SYNPR: variants seen among roughly 807,000 people sequenced by gnomAD.
The protein encoded by SYNPR is synaptoporin.
SYNPR carries 23 observed loss-of-function variants against 32.9 expected under a neutral mutation model. That is an observed-to-expected ratio of 0.70 (90% CI 0.50 to 0.99). SYNPR has a LOEUF of 0.99. Ranked by LOEUF, SYNPR falls within the 50% of genes least tolerant of loss-of-function variation. SYNPR has a pLI of 0.00. For missense variants in SYNPR, 318 were observed against 349.3 expected, an observed-to-expected ratio of 0.91 and a Z score of 0.71; for synonymous variants, 146 against 135.9, an observed-to-expected ratio of 1.07 and a Z score of -0.52.
intron 2 of SYNPR, among the ~76,000 whole-genome samples, chr3:63,300,441 C>A (rs1331580452): frequency 1.3e-5 from 2 of 152,050 alleles, no homozygotes; most frequent in Non-Finnish European, 1.5e-5. Flanking sequence ...CTGGTGCCAA[C>A]ATTCAGATAT....
At chr3:63,529,517 C>G (rs1295200072) in intron 3 of SYNPR, among the ~76,000 whole-genome samples, 3 of 152,044 alleles carry the variant, frequency 2.0e-5, no homozygotes, top group Admixed American at 2.0e-4. Context: ...GTGGCTTCCC[C>G]GTGCTCCATA....
At chr3:63,589,281 T>C (rs968052443) in intron 4 of SYNPR, among the ~76,000 whole-genome samples, 2 of 152,116 alleles carry the variant, frequency 1.3e-5, no homozygotes, top group South Asian at 2.1e-4. Context: ...TTTTTAAATT[T>C]CCAAAACACC....
At chr3:63,289,984 G>T (rs2086722548) in intron 2 of SYNPR, among the ~76,000 whole-genome samples, 1 of 151,924 alleles carries the variant, frequency 6.6e-6, no homozygotes, top group Non-Finnish European at 1.5e-5. Context: ...CAAAAAATTA[G>T]CCGGGCGTGG....
chr3:63,364,197 A>T (rs1463287637), intron 2 of SYNPR, among the ~76,000 whole-genome samples: 1 of 152,236 alleles, frequency 6.6e-6, no homozygotes, highest in East Asian at 1.9e-4. Flanking sequence ...ATAAAGATGG[A>T]AAGGCAGAAA....
intron 3 of SYNPR, among the ~76,000 whole-genome samples, chr3:63,488,063 C>A (rs1701188890): frequency 6.6e-6 from 1 of 152,134 alleles, no homozygotes; most frequent in Non-Finnish European, 1.5e-5. Context: ...TCTAGTAACG[C>A]TAGCTCTGCC....
At chr3:63,600,148 G>A (rs1700016862) in intron 4 of SYNPR, among the ~76,000 whole-genome samples, 1 of 152,194 alleles carries the variant, frequency 6.6e-6, no homozygotes, top group African/African-American at 2.4e-5. Flanking sequence ...TAAGTAAAAT[G>A]GGGATAATGT....
chr3:63,282,637 C>T (rs2086640704), intron 2 of SYNPR, among the ~76,000 whole-genome samples: 1 of 143,944 alleles, frequency 6.9e-6, no homozygotes, highest in Non-Finnish European at 1.5e-5. Flanking sequence ...GAGCTGTGGT[C>T]ACTTCACTGC....
intron 2 of SYNPR, among the ~76,000 whole-genome samples, chr3:63,290,400 C>A (rs1454917411): frequency 2.0e-5 from 3 of 152,160 alleles, no homozygotes; most frequent in Non-Finnish European, 4.4e-5. Context: ...AAAGTCATGT[C>A]TTCTAACTCC....
chr3:63,307,764 C>T (rs2086922109), intron 2 of SYNPR, among the ~76,000 whole-genome samples: 1 of 151,936 alleles, frequency 6.6e-6, no homozygotes, highest in Non-Finnish European at 1.5e-5. Flanking sequence ...TAAAAGAGGT[C>T]ACACATTGAG....
intron 2 of SYNPR, among the ~76,000 whole-genome samples, chr3:63,284,787 C>T (rs889478662): frequency 1.2e-4 from 18 of 152,124 alleles, no homozygotes; most frequent in Admixed American, 7.2e-4. Flanking sequence ...TTTATAGTAG[C>T]CATCATTTTA....
chr3:63,394,483 T>C (rs1006459148), intron 2 of SYNPR, among the ~76,000 whole-genome samples: 1 of 152,218 alleles, frequency 6.6e-6, no homozygotes, highest in African/African-American at 2.4e-5. Flanking sequence ...AAACTCTAAA[T>C]GTACTTAACA....
At chr3:63,290,988 A>C (rs757679108) in intron 2 of SYNPR, among the ~76,000 whole-genome samples, 10 of 152,198 alleles carry the variant, frequency 6.6e-5, no homozygotes, top group Non-Finnish European at 1.3e-4. Context: ...TGGCATGGAG[A>C]TATTAGAAAA....
At chr3:63,276,680 T>C (rs1015894360), upstream of SYNPR, among the ~76,000 whole-genome samples, 1 of 145,536 alleles carries the variant, frequency 6.9e-6, no homozygotes, top group African/African-American at 2.5e-5. Context: ...TGTTTCTAAT[T>C]GTTTTAGGCT....
intron 2 of SYNPR, among the ~76,000 whole-genome samples, chr3:63,291,198 T>A (rs1409920154): frequency 6.7e-6 from 1 of 149,966 alleles, no homozygotes; most frequent in Non-Finnish European, 1.5e-5. Flanking sequence ...CTCAAGTTTC[T>A]CAGGGATTTT....
Position 63,615,606 on chromosome 3 carries a change from A to T in SYNPR, c.*125A>T. ...TATTGAATGTAAATCAGAGCTCTCT[A>T]GTCTTCATTAAGGCAGCAAGTCCTG... On this transcript the variant is annotated 3_prime_UTR_variant, in exon 6 of 6. Transcript: ENST00000478300. 6 of 1,301,620 alleles carry T rather than the reference A, an allele frequency of 4.6e-6. No individual in the cohort carries two copies. The highest frequency in any genetic ancestry group is 6.2e-6 in the Non-Finnish European group (6 of 963,816). 80.6% of individuals were successfully genotyped at this position (1,301,620 alleles called of 1,614,324 possible).
At chr3:63,406,455 G>A (rs1208107954) in intron 2 of SYNPR, among the ~76,000 whole-genome samples, 1 of 151,890 alleles carries the variant, frequency 6.6e-6, no homozygotes, top group African/African-American at 2.4e-5. Flanking sequence ...ACTCTAGGAA[G>A]TAGGTGATGT....
At chr3:63,274,481 A>G (rs1338559003), upstream of SYNPR, among the ~76,000 whole-genome samples, 2 of 152,216 alleles carry the variant, frequency 1.3e-5, no homozygotes, top group African/African-American at 4.8e-5. Flanking sequence ...TTTGGTTTGT[A>G]TAGTTTGACT....
chr3:63,579,297 C>A (rs953052002), intron 4 of SYNPR, among the ~76,000 whole-genome samples: 1 of 152,124 alleles, frequency 6.6e-6, no homozygotes. Context: ...CTTCCTTCTG[C>A]CTGGAAGGCT....
intron 4 of SYNPR, among the ~76,000 whole-genome samples, chr3:63,583,453 T>G (rs1703126952): frequency 6.6e-6 from 1 of 152,006 alleles, no homozygotes; most frequent in Non-Finnish European, 1.5e-5. Flanking sequence ...TGGGGATTAT[T>G]GGGGTAGAGG....
Sources: allele counts gnomAD v4.1 joint callset (sites outside exome capture counted in the v4.1 genomes callset), GRCh38; gene constraint gnomAD v4.1.1; transcripts MANE v1.5; gene names NCBI Gene and HGNC (gene_info 2026-07-23, HGNC 2026-07-21).